The following KLF12 variants were observed in gnomAD, a reference collection of about 807,000 sequenced individuals.
The protein encoded by KLF12 is KLF transcription factor 12, also known as Krueppel-like factor 12.
Under a neutral mutation model 37.8 loss-of-function variants are expected in KLF12, and 9 were observed. That is an observed-to-expected ratio of 0.24 (90% CI 0.14 to 0.42). The LOEUF (loss-of-function observed/expected upper bound fraction) is 0.42, where lower values mean the gene tolerates loss of function less well. Among genes scored for constraint, KLF12 ranks in the 10% least tolerant of loss-of-function variants. KLF12 has a pLI of 1.00. For synonymous variants in KLF12, 208 were observed against 202.1 expected (o/e 1.03, Z -0.25); for missense variants, 411 against 516.0 (o/e 0.80, Z 1.97).
chr13:73,890,865 AACTACCTCTCTTAGTTC>A (rs1384227007), intron 3 of KLF12, among the ~76,000 whole-genome samples: 30 of 152,258 alleles, frequency 2.0e-4, no homozygotes, highest in African/African-American at 7.0e-4. Flanking sequence ...CTAGAAAGCC[AACTACCTCTCTTAGTTC>A]ACTGGAGCCC....
At chr13:73,717,409 T>C (rs1412385640) in intron 6 of KLF12, among the ~76,000 whole-genome samples, 1 of 152,242 alleles carries the variant, frequency 6.6e-6, no homozygotes, top group Admixed American at 6.5e-5. Context: ...GTCCAGTGAA[T>C]ATTCATTGCC....
At chr13:73,763,888 T>A (rs1427526753) in intron 6 of KLF12, among the ~76,000 whole-genome samples, 1 of 152,124 alleles carries the variant, frequency 6.6e-6, no homozygotes, top group East Asian at 1.9e-4. Flanking sequence ...TGTGCCCCAT[T>A]TCCCCCTCTG....
At chr13:74,190,646 C>T in the KLF12 span, among the ~76,000 whole-genome samples, 1 of 152,296 alleles carries the variant, frequency 6.6e-6, no homozygotes, top group East Asian at 1.9e-4. Flanking sequence ...GAAAGATGTT[C>T]TTACAGTCTT....
chr13:73,863,750 A>G (rs971496783), intron 3 of KLF12, among the ~76,000 whole-genome samples: 2 of 152,126 alleles, frequency 1.3e-5, no homozygotes, highest in African/African-American at 4.8e-5. Context: ...CTAGTTTTAA[A>G]CTTCTGGGGC....
At position 73,920,937 on chromosome 13, in the gene KLF12, A is replaced by C. The variant is rs995081833; in HGVS notation, c.123+23044T>G. On this transcript the variant is annotated intron_variant, in intron 3 of 7. Transcript: ENST00000377669. ...GAGGGGCTTTCTTTGAGGTTCCCTT[A>C]TCTGAGGAAAAGCAGTTCCTCCAGA... 2.0e-5 allele frequency among the ~76,000 whole-genome samples: 3 copies of C among 152,120 alleles called. 1 individual carries two copies. The South Asian group carries it at 6.2e-4, about 32-fold the overall frequency.
chr13:74,134,949 G>A (rs1045441712), upstream of KLF12, among the ~76,000 whole-genome samples: 1 of 151,806 alleles, frequency 6.6e-6, no homozygotes, highest in African/African-American at 2.4e-5. Flanking sequence ...AGCCGGCCGG[G>A]ACTGTGGGGC....
intron 5 of KLF12, among the ~76,000 whole-genome samples, chr13:73,806,115 TC>T (rs1453630029): frequency 2.0e-5 from 2 of 100,260 alleles, no homozygotes; most frequent in African/African-American, 6.8e-5. Context: ...TTTTTTTCTT[TC>T]TTTTTTTTTT....
intron 1 of KLF12, among the ~76,000 whole-genome samples, chr13:74,027,445 AT>A: frequency 6.6e-6 from 1 of 152,154 alleles, no homozygotes; most frequent in Non-Finnish European, 1.5e-5. Flanking sequence ...TATGAGTGGC[AT>A]ATATAATTGT....
the KLF12 span, among the ~76,000 whole-genome samples, chr13:74,268,895 A>G: frequency 2.0e-5 from 3 of 152,272 alleles, no homozygotes; most frequent in South Asian, 6.2e-4. Flanking sequence ...TGAGTATACT[A>G]AAAAGAGGGA....
intron 3 of KLF12, among the ~76,000 whole-genome samples, chr13:73,880,301 A>G (rs527435216): frequency 4.6e-5 from 7 of 152,318 alleles, no homozygotes; most frequent in African/African-American, 1.7e-4. Context: ...AACAAACACC[A>G]AACTGTTCAG....
At chr13:74,162,426 C>T in the KLF12 span, among the ~76,000 whole-genome samples, 1 of 152,212 alleles carries the variant, frequency 6.6e-6, no homozygotes, top group East Asian at 1.9e-4. Context: ...TGACTTCTTT[C>T]AATTTGATTC....
At chr13:74,241,554 T>G in the KLF12 span, among the ~76,000 whole-genome samples, 1 of 152,024 alleles carries the variant, frequency 6.6e-6, no homozygotes, top group Non-Finnish European at 1.5e-5. Context: ...TCGCTGCCGC[T>G]GCTGCCTTGC....
At chr13:73,905,941 A>G (rs1236340298) in intron 3 of KLF12, among the ~76,000 whole-genome samples, 1 of 152,138 alleles carries the variant, frequency 6.6e-6, no homozygotes, top group East Asian at 1.9e-4. Flanking sequence ...TAATCATAAA[A>G]ACCTAGAATG....
intron 2 of KLF12, among the ~76,000 whole-genome samples, chr13:73,981,951 GA>G (rs1366439872): frequency 6.6e-6 from 1 of 151,954 alleles, no homozygotes; most frequent in African/African-American, 2.4e-5. Context: ...AAGGGGTCTT[GA>G]AAAAAAATAC....
chr13:73,839,423 T>C (rs1270376965), intron 4 of KLF12, among the ~76,000 whole-genome samples: 2 of 152,030 alleles, frequency 1.3e-5, no homozygotes, highest in East Asian at 3.9e-4. Flanking sequence ...TCTATGTATC[T>C]TGAATTTCTA....
rs200955639 is a variant in KLF12, at chr13:73,845,921, C to T, written c.576G>A (p.Ser192=). ...TTACAGCTGTGTAGACAACAGGCAC[C>T]GACTGTACCACCACGGGGATGCGGT... The change falls in exon 4 of 8, where the codon TCG becomes TCA. Residue 192 remains serine (S), a synonymous_variant. Coordinates refer to ENST00000377669, the MANE Select transcript of KLF12 (RefSeq NM_007249.5). 9.3e-6 allele frequency: 15 copies of T among 1,614,086 alleles called. No homozygotes were observed. The highest frequency in any genetic ancestry group is 2.2e-5 in the East Asian group (1 of 44,888).
intron 6 of KLF12, among the ~76,000 whole-genome samples, chr13:73,716,133 T>C (rs1875786124): frequency 6.6e-6 from 1 of 152,214 alleles, no homozygotes; most frequent in Non-Finnish European, 1.5e-5. Context: ...AGGAATAACG[T>C]GCATTGTCTT....
chr13:73,956,176 T>A (rs916241998), intron 2 of KLF12, among the ~76,000 whole-genome samples: 5 of 152,194 alleles, frequency 3.3e-5, no homozygotes, highest in African/African-American at 1.2e-4. Flanking sequence ...GCCTTGTTAC[T>A]TCCTGCCAGC....
chr13:73,730,942 G>A (rs759734473), intron 6 of KLF12, among the ~76,000 whole-genome samples: 3 of 152,064 alleles, frequency 2.0e-5, no homozygotes, highest in Middle Eastern at 3.4e-3. Flanking sequence ...GTTCTGTTTC[G>A]TTTTTTTAGT....
Sources: gnomAD v4.1 joint callset for allele counts (sites outside exome capture counted in the v4.1 genomes callset) on GRCh38, gnomAD v4.1.1 for gene constraint, MANE v1.5 for transcripts, NCBI Gene and HGNC (gene_info 2026-07-23, HGNC 2026-07-21) for gene names.